Variants in TRIM5 observed in about 807,000 individuals in gnomAD.
TRIM5 encodes the protein tripartite motif containing 5.
In TRIM5, 31 loss-of-function variants were observed where a neutral mutation model predicts 35.6. That is an observed-to-expected ratio of 0.87 (90% CI 0.65 to 1.18). The LOEUF is 1.18. TRIM5 is among the 50% of genes most tolerant of loss of function. The probability of loss-of-function intolerance (pLI) is 0.00; values close to 1 mark genes in which losing one functional copy is unlikely to be tolerated. For synonymous variants in TRIM5, 243 were observed against 215.6 expected (o/e 1.13, Z -1.11); for missense variants, 609 against 591.6 (o/e 1.03, Z -0.31).
At chr11:5,662,955 C>G (rs1850881363), downstream of TRIM5, among the ~76,000 whole-genome samples, 1 of 152,040 alleles carries the variant, frequency 6.6e-6, no homozygotes, top group African/African-American at 2.4e-5. Flanking sequence ...ATAGTGAAAC[C>G]CTGTCTCTAC....
the TRIM5 span, among the ~76,000 whole-genome samples, chr11:5,601,032 A>G: frequency 1.3e-5 from 2 of 152,250 alleles, no homozygotes; most frequent in Non-Finnish European, 2.9e-5. Flanking sequence ...AATAAAGGTC[A>G]TATTTCTCAA....
the TRIM5 span, among the ~76,000 whole-genome samples, chr11:5,653,053 CAT>C: frequency 6.6e-6 from 1 of 152,040 alleles, no homozygotes; most frequent in Non-Finnish European, 1.5e-5. Flanking sequence ...GAGATTTCAC[CAT>C]ATTAGCCAGG....
chr11:5,637,978 A>G, the TRIM5 span, among the ~76,000 whole-genome samples: 1 of 152,236 alleles, frequency 6.6e-6, no homozygotes, highest in Non-Finnish European at 1.5e-5. Flanking sequence ...TACTCTTGCA[A>G]GAAAGACTAG....
the TRIM5 span, among the ~76,000 whole-genome samples, chr11:5,598,498 G>A: frequency 6.6e-6 from 1 of 152,042 alleles, no homozygotes; most frequent in South Asian, 2.1e-4. Context: ...ACATACTCAA[G>A]TAGCCTCATT....
chr11:5,605,141 A>T, the TRIM5 span: 6 of 698,734 alleles, frequency 8.6e-6, no homozygotes, highest in African/African-American at 1.8e-5. Context: ...GCCCGGGGCC[A>T]ATGGTCTGGG....
At chr11:5,599,970 T>C in the TRIM5 span, among the ~76,000 whole-genome samples, 1 of 152,104 alleles carries the variant, frequency 6.6e-6, no homozygotes, top group African/African-American at 2.4e-5. Context: ...CTAAGTGAGA[T>C]GATGTGGGTA....
At chr11:5,673,268 T>C (rs1042267857) in intron 4 of TRIM5, among the ~76,000 whole-genome samples, 4 of 151,892 alleles carry the variant, frequency 2.6e-5, no homozygotes, top group Non-Finnish European at 5.9e-5. Context: ...ATAAGACAAC[T>C]CAAGTAGATA....
intron 1 of TRIM5, among the ~76,000 whole-genome samples, chr11:5,680,572 G>A (rs559329728): frequency 5.3e-4 from 81 of 152,202 alleles, no homozygotes; most frequent in Admixed American, 1.1e-3. Context: ...TCTTTCCCAC[G>A]CCAAAACACA....
chr11:5,669,077 A>ATAC (rs1554931039), intron 4 of TRIM5, among the ~76,000 whole-genome samples: 1 of 129,068 alleles, frequency 7.7e-6, no homozygotes, highest in African/African-American at 3.4e-5. Context: ...TTTGGTCTAC[A>ATAC]TTCTTTTTTT....
the TRIM5 span, among the ~76,000 whole-genome samples, chr11:5,601,450 T>C: frequency 6.6e-6 from 1 of 152,226 alleles, no homozygotes; most frequent in Non-Finnish European, 1.5e-5. Flanking sequence ...TACAGAATCA[T>C]GAGTTGTAAA....
the TRIM5 span, among the ~76,000 whole-genome samples, chr11:5,618,704 G>A: frequency 8.5e-5 from 13 of 152,288 alleles, no homozygotes; most frequent in East Asian, 2.3e-3. Flanking sequence ...AATGGCACAA[G>A]TACATGATTG....
At chr11:5,595,277 CAG>C in the TRIM5 span, 2 of 152,218 alleles carry the variant, frequency 1.3e-5, no homozygotes, top group African/African-American at 4.8e-5. Flanking sequence ...TTTTTCTTCT[CAG>C]AGTTTCTGTG....
the TRIM5 span, among the ~76,000 whole-genome samples, chr11:5,615,972 TC>T: frequency 1.4e-5 from 2 of 145,736 alleles, no homozygotes; most frequent in Non-Finnish European, 3.0e-5. Context: ...TCGCTCTGTC[TC>T]CCAGGCTGGA....
At chr11:5,665,462 TTGA>T in intron 7 of TRIM5, 67 bp from the exon 8 acceptor site, 1 of 1,543,804 alleles carries the variant, frequency 6.5e-7, no homozygotes, top group South Asian at 1.3e-5. Context: ...GAGAGAAATC[TTGA>T]TAAAGACTTG....
the TRIM5 span, among the ~76,000 whole-genome samples, chr11:5,631,891 T>C: frequency 6.6e-6 from 1 of 152,108 alleles, no homozygotes; most frequent in African/African-American, 2.4e-5. Flanking sequence ...CATTTAAAAA[T>C]AGATAATGAT....
the TRIM5 span, chr11:5,610,327 A>G: frequency 1.3e-6 from 2 of 1,598,462 alleles, no homozygotes; most frequent in African/African-American, 2.7e-5. Flanking sequence ...TATAGTCGGT[A>G]TTTGAGCATA....
Position 5,665,595 on chromosome 11 carries a change from G to T in TRIM5, c.895+61C>A, listed in dbSNP as rs779991661. On this transcript the variant is annotated intron_variant, in intron 7 of 7. Transcript: ENST00000380034. ...TAATAGAGAACATAAAATTCTAAAA[G>T]ATAAAGATAATAATAATGATAAGCC... is the stretch of plus-strand genomic sequence containing the variant. 1.1e-5 allele frequency: 18 copies of T among 1,584,622 alleles called. No individual in the cohort carries two copies. In the East Asian group the frequency reaches 3.6e-4, roughly 32 times the overall value.
At chr11:5,593,403 G>A in the TRIM5 span, among the ~76,000 whole-genome samples, 1 of 152,100 alleles carries the variant, frequency 6.6e-6, no homozygotes, top group African/African-American at 2.4e-5. Context: ...AAGTTGTACT[G>A]AAAAAATATA....
At chr11:5,668,406 G>A (rs1851309009) in intron 4 of TRIM5, among the ~76,000 whole-genome samples, 1 of 152,178 alleles carries the variant, frequency 6.6e-6, no homozygotes, top group Admixed American at 6.5e-5. Context: ...CGCGGCCTTT[G>A]CTGAGGGTAT....
Sources: allele counts gnomAD v4.1 joint callset (sites outside exome capture counted in the v4.1 genomes callset), GRCh38; gene constraint gnomAD v4.1.1; transcripts MANE v1.5; gene names NCBI Gene and HGNC (gene_info 2026-07-23, HGNC 2026-07-21).